The following CASKIN1 variants were observed in gnomAD, a reference collection of about 807,000 sequenced individuals.
CASKIN1 encodes caskin-1.
CASKIN1 carries 42 observed loss-of-function variants against 117.5 expected under a neutral mutation model. The ratio of observed to expected loss-of-function variants is 0.36; its 90% CI spans 0.28 to 0.46. The LOEUF is 0.46. Among genes scored for constraint, CASKIN1 ranks in the 20% least tolerant of loss-of-function variants. CASKIN1 has a pLI of 1.00. For synonymous variants in CASKIN1, 1,148 were observed against 961.7 expected (o/e 1.19, Z -3.59); for missense variants, 2,083 against 2,077.3 (o/e 1.00, Z -0.05).
Position 2,181,330 on chromosome 16 carries a change from T to A in CASKIN1, c.2038A>T (p.Ser680Cys), listed in dbSNP as rs776162106. Residue 680 changes from serine (S) to cysteine (C), a missense_variant, in exon 18 of 20, where the codon AGC becomes TGC. Coordinates refer to ENST00000343516, the MANE Select transcript of CASKIN1 (RefSeq NM_020764.4). ...EVGPTTEKPS[S>C]HLPPTPRATT... Reference sequence around the variant, plus strand: ...GCCCTCGGGGTGGGTGGCAGGTGGCTGGAGGGCTTCTCAGTGGTGGGCCCC... The same window carrying A: ...GCCCTCGGGGTGGGTGGCAGGTGGCAGGAGGGCTTCTCAGTGGTGGGCCCC... 2 of 1,606,114 alleles carry A rather than the reference T, an allele frequency of 1.2e-6. No individual in the cohort carries two copies. Among genetic ancestry groups the A allele is most frequent in the African/African-American group, 2.7e-5 (2 of 74,792 alleles).
In CASKIN1 at chr16:2,196,371, C is replaced by T; in HGVS notation, c.62G>A (p.Arg21Lys). 2 of 1,364,498 alleles carry T rather than the reference C, an allele frequency of 1.5e-6. No homozygotes were observed. The highest frequency in any genetic ancestry group is 1.9e-6 in the Non-Finnish European group (2 of 1,045,864). 84.5% of individuals were successfully genotyped at this position (1,364,498 alleles called of 1,614,324 possible). A position where few individuals can be genotyped will look rare whatever the true frequency, so the allele number is the denominator to read the frequency against. The stretch of plus-strand genomic sequence containing the variant: ...CCCGGGCCGCGGCCTCTGCAGCAGC[C>T]TCTGCGCGGTCCCTACGTCCTCCGC... ...VKAEDVGTAQ[R>K]LLQRPRPGKA... The change falls in exon 1 of 20, where the codon AGG (arginine) becomes AAG (lysine). Residue 21 changes from arginine to lysine, a missense_variant. Transcript: ENST00000343516. This position sits in a 1 kb window ranked among gnomAD's most constrained non-coding sequence, Gnocchi z 5.7.
chr16:2,178,179 C>T lies in CASKIN1; in HGVS notation c.*371G>A, dbSNP rs547496709. 2.3e-4 allele frequency: 106 copies of T among 469,458 alleles called. 3 individuals are homozygous for T. The highest frequency in any genetic ancestry group is 1.8e-3 in the South Asian group (102 of 58,126). The allele number at this position is 469,458 out of a possible 1,614,324, so 29.1% of individuals were successfully genotyped here. A position where few individuals can be genotyped will look rare whatever the true frequency, so the allele number is the denominator to read the frequency against. Reference sequence around the variant, plus strand: ...GGGGGCCCTGACCTTGGTCCCCTGTCCCTTGTGCTGCGCCCGAGCGGCTGG... The same window carrying T: ...GGGGGCCCTGACCTTGGTCCCCTGTTCCTTGTGCTGCGCCCGAGCGGCTGG... On this transcript the variant is annotated 3_prime_UTR_variant, in exon 20 of 20. Transcript: ENST00000343516.
At chr16:2,189,991 G>T in intron 3 of CASKIN1, 82 bp downstream of exon 3, 2 of 1,322,974 alleles carry the variant, frequency 1.5e-6, no homozygotes, top group Non-Finnish European at 2.1e-6. Flanking sequence ...TGAGACCTCA[G>T]CCAAGGATCC....
intron 1 of CASKIN1, among the ~76,000 whole-genome samples, chr16:2,195,211 A>G (rs1214134227): frequency 1.3e-5 from 2 of 152,234 alleles, no homozygotes; most frequent in Non-Finnish European, 2.9e-5. Flanking sequence ...CAGAGTGGAC[A>G]GGAGCTAGCC....
rs1394752500 is a variant in CASKIN1 at position 2,180,284 on chromosome 16, G to A, written c.3084C>T (p.Pro1028=). Residue 1028 remains proline (P), a synonymous_variant, in exon 18 of 20, where the codon CCC becomes CCT. Coordinates refer to ENST00000343516, the MANE Select transcript of CASKIN1 (RefSeq NM_020764.4). ...GCTCTGGGCTGGCAGGGCGGGGAGT[G>A]GGGTGGCCCTCAGGAGGCCTGCGGG... is the stretch of plus-strand genomic sequence containing the variant. ...RAARRPPEGH[P]TPRPASPEPG... The A allele has an allele frequency of 6.4e-7, 1 of 1,573,652 alleles. No individual in the cohort carries two copies. Among genetic ancestry groups the A allele is most frequent in the Non-Finnish European group, 8.6e-7 (1 of 1,162,794 alleles).
At position 2,187,011 on chromosome 16, in the gene CASKIN1, G is replaced by A. The variant is rs1391856839; in HGVS notation, c.897C>T (p.Thr299=). The A allele has an allele frequency of 1.2e-6, 2 of 1,613,788 alleles. No individual in the cohort carries two copies. The highest frequency in any genetic ancestry group is 2.2e-5 in the South Asian group (2 of 91,084). The change falls in exon 9 of 20, where the codon ACC becomes ACT. Residue 299 remains threonine, a synonymous_variant. Coordinates refer to ENST00000343516, the MANE Select transcript of CASKIN1 (RefSeq NM_020764.4). ...TKDYCNNYDL[T]SLNVKAGDII... ...TGTCCCCTGCCTTCACGTTGAGGCT[G>A]GTCAGGTCGTAATTGTTGCAATAAT...
rs2093170684 is a variant in CASKIN1 at position 2,182,306 on chromosome 16, T to C, written c.1630-377A>G. Among the ~76,000 whole-genome samples the C allele has an allele frequency of 1.3e-5, 2 of 151,900 alleles. No individual in the cohort carries two copies. Among genetic ancestry groups the C allele is most frequent in the Non-Finnish European group, 2.9e-5 (2 of 67,946 alleles). ...CCTGGTACAGGAACACGCACATGAT[T>C]TGCACGCTGCGCTCCCAGCCGTGCA... is the stretch of plus-strand genomic sequence containing the variant. On this transcript the variant is annotated intron_variant, in intron 16 of 19. Coordinates refer to ENST00000343516, the MANE Select transcript of CASKIN1 (RefSeq NM_020764.4). This position sits in a 1 kb window ranked among gnomAD's most constrained non-coding sequence, Gnocchi z 4.1.
Position 2,180,912 on chromosome 16 carries a change from G to A in CASKIN1, c.2456C>T (p.Ser819Leu), listed in dbSNP as rs376422604. Residue 819 changes from serine to leucine, a missense_variant, in exon 18 of 20, where the codon TCA becomes TTA. This residue lies in a region of CASKIN1 where 1,818 missense variants were observed against 1,688.9 expected (regional missense o/e 1.08). Transcript: ENST00000343516. ...QLLPPTERPM[S>L]PRSLPQSPTH... ...CGGTGACTGAGGCAGGGAGCGGGGT[G>A]ACATGGGGCGCTCTGTCGGCGGCAG... 4.1e-6 allele frequency: 6 copies of A among 1,456,444 alleles called. No homozygotes were observed. The African/African-American group carries it at 5.9e-5, about 14-fold the overall frequency. 90.2% of individuals were successfully genotyped at this position (1,456,444 alleles called of 1,614,324 possible).
intron 16 of CASKIN1, among the ~76,000 whole-genome samples, chr16:2,183,252 G>A (rs2093173603): frequency 6.6e-6 from 1 of 152,218 alleles, no homozygotes; most frequent in Non-Finnish European, 1.5e-5. Context: ...GCGTGTGGCT[G>A]GCACGTACCT....
rs555579831 is a variant in CASKIN1 at position 2,177,669 on chromosome 16, G to C, written c.*881C>G. 5 of 239,420 alleles carry C rather than the reference G, an allele frequency of 2.1e-5. No individual in the cohort carries two copies. The Admixed American group carries it at 2.2e-4, about 10-fold the overall frequency. 14.8% of individuals were successfully genotyped at this position (239,420 alleles called of 1,614,324 possible). On this transcript the variant is annotated 3_prime_UTR_variant, in exon 20 of 20. Transcript: ENST00000343516. ...ACACCCTCAGAGGAGCTGCAAGCCC[G>C]TGGCCTGGCCTGCTACATGCCCTGC...
intron 10 of CASKIN1, among the ~76,000 whole-genome samples, chr16:2,185,871 C>G (rs1439254899): frequency 1.3e-5 from 2 of 152,260 alleles, no homozygotes. Context: ...CTGGCCTAGT[C>G]CCTCTCCTCA....
At chr16:2,186,949 G>A in intron 9 of CASKIN1, 29 bp downstream of exon 9, 6 of 1,611,660 alleles carry the variant, frequency 3.7e-6, no homozygotes, top group Non-Finnish European at 5.1e-6. Context: ...CCCCCTCCCT[G>A]CTGAGATGGC....
rs1346555437 is a variant in CASKIN1 at position 2,196,018 on chromosome 16, T to C, written c.94+321A>G. ...CCCTTTGAAGGCCCCAGCAGAGACC[T>C]CCAGCTGTCAGCCCGCAGCCTGGGA... is the stretch of plus-strand genomic sequence containing the variant. On this transcript the variant is annotated intron_variant, in intron 1 of 19. Transcript: ENST00000343516. This position sits in a 1 kb window ranked among gnomAD's most constrained non-coding sequence, Gnocchi z 5.7. 6.7e-6 allele frequency among the ~76,000 whole-genome samples: 1 copy of C among 149,554 alleles called. No homozygotes were observed. Among genetic ancestry groups the C allele is most frequent in the Non-Finnish European group, 1.5e-5 (1 of 67,540 alleles).
chr16:2,181,960 G>A, intron 16 of CASKIN1, 31 bp from the exon 17 acceptor site: 3 of 1,609,338 alleles, frequency 1.9e-6, no homozygotes, highest in Non-Finnish European at 2.5e-6. Flanking sequence ...GGAGCCACCT[G>A]GGCTGGCTGC....
At chr16:2,190,659 CCACACAGGCACACACATGTGCACG>C (rs1331243427) in intron 1 of CASKIN1, among the ~76,000 whole-genome samples, 1 of 152,290 alleles carries the variant, frequency 6.6e-6, no homozygotes, top group Admixed American at 6.5e-5. Context: ...GGCTGTGCAC[CCACACAGGCACACACATGTGCACG>C]CACACCCCTC....
intron 13 of CASKIN1, 32 bp downstream of exon 13, chr16:2,184,919 A>G (rs1165240902): frequency 6.3e-7 from 1 of 1,582,514 alleles, no homozygotes; most frequent in African/African-American, 1.3e-5. Flanking sequence ...GCTTTCCTCC[A>G]TCGGGCTGCG....
At chr16:2,188,998 G>A in intron 6 of CASKIN1, 29 bp downstream of exon 6, 1 of 1,599,404 alleles carries the variant, frequency 6.3e-7, no homozygotes. Context: ...GGACCCTAAG[G>A]CTGAGGCCCT....
rs531897474 is a variant in CASKIN1 at position 2,182,978 on chromosome 16, T to G, written c.1629+668A>C. Reference sequence around the variant, plus strand: ...GCCAATTTTTGGTTTTAGTAGAGACTGGGTTTCACCGTGTTAGCCAGGATG... The same window carrying G: ...GCCAATTTTTGGTTTTAGTAGAGACGGGGTTTCACCGTGTTAGCCAGGATG... On this transcript the variant is annotated intron_variant, in intron 16 of 19. Coordinates refer to ENST00000343516, the MANE Select transcript of CASKIN1 (RefSeq NM_020764.4). The surrounding 1 kb of genome is among the most constrained non-coding windows in gnomAD (Gnocchi z 4.1). 1.3e-5 allele frequency among the ~76,000 whole-genome samples: 2 copies of G among 152,312 alleles called. No homozygotes were observed. The highest frequency in any genetic ancestry group is 1.5e-5 in the Non-Finnish European group (1 of 68,010).
At chr16:2,194,182 C>T (rs1029900685) in intron 1 of CASKIN1, among the ~76,000 whole-genome samples, 1 of 152,144 alleles carries the variant, frequency 6.6e-6, no homozygotes, top group Non-Finnish European at 1.5e-5. Context: ...AGCTGGCCCT[C>T]GGTGCTCAGG....
Sources: gnomAD v4.1 joint callset for allele counts (sites outside exome capture counted in the v4.1 genomes callset) on GRCh38, gnomAD v4.1.1 for gene constraint, gnomAD v4.1.1 regional missense constraint, Gnocchi (gnomAD v3.1) non-coding constraint, MANE v1.5 for transcripts, NCBI Gene and HGNC (gene_info 2026-07-23, HGNC 2026-07-21) for gene names.